RSPO3: variants seen among roughly 807,000 people sequenced by gnomAD.
RSPO3 encodes R-spondin-3.
A neutral mutation model predicts 36.5 loss-of-function variants in RSPO3; 17 were observed. The ratio of observed to expected loss-of-function variants is 0.47; its 90% CI spans 0.32 to 0.70. RSPO3 has a LOEUF of 0.70. Among genes scored for constraint, RSPO3 ranks in the 30% least tolerant of loss-of-function variants. The probability of loss-of-function intolerance (pLI) is 0.04; values close to 1 mark genes in which losing one functional copy is unlikely to be tolerated. For missense variants in RSPO3, 294 were observed against 322.5 expected, an observed-to-expected ratio of 0.91 and a Z score of 0.68; for synonymous variants, 108 against 107.0, an observed-to-expected ratio of 1.01 and a Z score of -0.06.
At chr6:127,140,696 A>G (rs1774251757) in intron 1 of RSPO3, among the ~76,000 whole-genome samples, 1 of 152,184 alleles carries the variant, frequency 6.6e-6, no homozygotes, top group Admixed American at 6.6e-5. Context: ...CAGAGGCTAC[A>G]TGTACTTAGG....
chr6:127,168,612 A>G (rs1466726415), intron 4 of RSPO3, among the ~76,000 whole-genome samples: 3 of 151,976 alleles, frequency 2.0e-5, no homozygotes, highest in Admixed American at 1.3e-4. Context: ...ATTAGATCCC[A>G]TTTGTCAATT....
chr6:127,187,053 T>C (rs1775308968), intron 4 of RSPO3, among the ~76,000 whole-genome samples: 1 of 152,186 alleles, frequency 6.6e-6, no homozygotes, highest in African/African-American at 2.4e-5. Context: ...GACTCACGCA[T>C]ATTCTCCAGC....
chr6:127,167,189 T>C (rs535480016), intron 4 of RSPO3, among the ~76,000 whole-genome samples: 1 of 152,094 alleles, frequency 6.6e-6, no homozygotes, highest in South Asian at 2.1e-4. Flanking sequence ...GTTACATAGG[T>C]AAACATGTGC....
At chr6:127,156,791 T>C (rs1774604722) in intron 4 of RSPO3, among the ~76,000 whole-genome samples, 1 of 151,972 alleles carries the variant, frequency 6.6e-6, no homozygotes, top group Non-Finnish European at 1.5e-5. Context: ...ATAAGGGAGA[T>C]TATAGATGTG....
intron 4 of RSPO3, among the ~76,000 whole-genome samples, chr6:127,182,992 A>C (rs1004284714): frequency 2.0e-5 from 3 of 151,956 alleles, no homozygotes; most frequent in African/African-American, 7.2e-5. Context: ...CAACCATCCC[A>C]AGTGCTTTCC....
intron 4 of RSPO3, among the ~76,000 whole-genome samples, chr6:127,166,903 G>A (rs946524202): frequency 6.6e-6 from 1 of 151,764 alleles, no homozygotes; most frequent in African/African-American, 2.4e-5. Context: ...CATGTTTAGA[G>A]CCTATTTGAA....
Position 127,196,469 on chromosome 6 carries a change from A to T in RSPO3, c.*462A>T, listed in dbSNP as rs1458167607. ...AGGACAGTGTTGTTTTGACCGGGAG[A>T]TCTAGAGAGTGCTCAGAATTAGGGC... is the stretch of plus-strand genomic sequence containing the variant. On this transcript the variant is annotated 3_prime_UTR_variant, in exon 5 of 5. Transcript: ENST00000356698. The T allele has an allele frequency of 6.6e-6, 1 of 152,312 alleles. No individual in the cohort carries two copies. Among genetic ancestry groups the T allele is most frequent in the African/African-American group, 2.4e-5 (1 of 41,476 alleles). 9.4% of individuals were successfully genotyped at this position (152,312 alleles called of 1,614,324 possible).
intron 3 of RSPO3, 152 bp from the exon 4 acceptor site, chr6:127,155,089 C>T (rs1774565837): frequency 2.8e-6 from 2 of 719,752 alleles, no homozygotes; most frequent in South Asian, 1.7e-5. Context: ...TCCCATTCTC[C>T]TGTTTTATAT....
intron 4 of RSPO3, among the ~76,000 whole-genome samples, chr6:127,161,818 T>C (rs1233395640): frequency 6.6e-6 from 1 of 152,020 alleles, no homozygotes; most frequent in Non-Finnish European, 1.5e-5. Context: ...TTGAATAGAG[T>C]GGTAGCATTC....
At chr6:127,120,272 G>T (rs1340829939) in intron 1 of RSPO3, among the ~76,000 whole-genome samples, 1 of 152,186 alleles carries the variant, frequency 6.6e-6, no homozygotes, top group Non-Finnish European at 1.5e-5. Context: ...TCGCTCCAGG[G>T]TAGCCTGGCG....
At chr6:127,135,614 C>T (rs753799672) in intron 1 of RSPO3, among the ~76,000 whole-genome samples, 1 of 151,536 alleles carries the variant, frequency 6.6e-6, no homozygotes, top group African/African-American at 2.4e-5. Flanking sequence ...ATCTTCATGG[C>T]GCCATTTGCT....
chr6:127,188,360 A>T (rs1391311222), intron 4 of RSPO3, among the ~76,000 whole-genome samples: 1 of 152,200 alleles, frequency 6.6e-6, no homozygotes, highest in Admixed American at 6.5e-5. Flanking sequence ...ACTGATATTT[A>T]TGATGTCTGC....
intron 4 of RSPO3, among the ~76,000 whole-genome samples, chr6:127,164,812 C>T (rs1036289110): frequency 3.9e-5 from 6 of 152,068 alleles, no homozygotes; most frequent in African/African-American, 1.2e-4. Context: ...TAACTCTAGC[C>T]TCTGTGAGCC....
chr6:127,189,626 G>A (rs565447827), intron 4 of RSPO3, among the ~76,000 whole-genome samples: 2 of 152,254 alleles, frequency 1.3e-5, no homozygotes, highest in East Asian at 3.9e-4. Flanking sequence ...TGAAATTGAT[G>A]ATAAAATGTT....
At chr6:127,182,441 C>T (rs1775208391) in intron 4 of RSPO3, among the ~76,000 whole-genome samples, 1 of 151,788 alleles carries the variant, frequency 6.6e-6, no homozygotes, top group South Asian at 2.1e-4. Flanking sequence ...ATCTGGCCTT[C>T]TTTTTTCCAG....
At chr6:127,184,702 A>G (rs1280867281) in intron 4 of RSPO3, among the ~76,000 whole-genome samples, 1 of 152,032 alleles carries the variant, frequency 6.6e-6, no homozygotes, top group East Asian at 1.9e-4. Context: ...AATATGGTTG[A>G]TAAGAAAAAG....
intron 1 of RSPO3, among the ~76,000 whole-genome samples, chr6:127,145,626 C>G (rs1269421550): frequency 6.6e-6 from 1 of 152,132 alleles, no homozygotes; most frequent in Non-Finnish European, 1.5e-5. Flanking sequence ...GTTTCCTTCT[C>G]TAGCCAAACA....
At chr6:127,119,429 G>A in intron 1 of RSPO3, 140 bp downstream of exon 1, 1 of 665,362 alleles carries the variant, frequency 1.5e-6, no homozygotes, top group Non-Finnish European at 2.7e-6. Flanking sequence ...TTCGGGCTTT[G>A]GGGGTATGGA....
chr6:127,180,487 C>CAAAAAAA (rs71543112), intron 4 of RSPO3, among the ~76,000 whole-genome samples: 13 of 42,642 alleles, frequency 3.0e-4, no homozygotes, highest in Middle Eastern at 0.026. Context: ...TGGAAGAAAA[C>CAAAAAAA]AAAAAAAAAA....
Sources: allele counts gnomAD v4.1 joint callset (sites outside exome capture counted in the v4.1 genomes callset), GRCh38; gene constraint gnomAD v4.1.1; transcripts MANE v1.5; gene names NCBI Gene and HGNC (gene_info 2026-07-23, HGNC 2026-07-21).